Variants in AP3B1 observed in about 807,000 individuals in gnomAD.
AP3B1 encodes the protein adaptor related protein complex 3 subunit beta 1.
AP3B1 carries 61 observed loss-of-function variants against 132.5 expected under a neutral mutation model. That is an observed-to-expected ratio of 0.46 (90% CI 0.37 to 0.57). The LOEUF (loss-of-function observed/expected upper bound fraction) is 0.57, where lower values mean the gene tolerates loss of function less well. Ranked by LOEUF, AP3B1 falls within the 20% of genes least tolerant of loss-of-function variation. The probability of loss-of-function intolerance (pLI) is 0.00; values close to 1 mark genes in which losing one functional copy is unlikely to be tolerated. For synonymous variants in AP3B1, 388 were observed against 438.3 expected (o/e 0.89, Z 1.43); for missense variants, 1,120 against 1,289.4 (o/e 0.87, Z 2.01).
At chr5:78,027,994 C>T (rs1285196720) in intron 24 of AP3B1, among the ~76,000 whole-genome samples, 3 of 151,852 alleles carry the variant, frequency 2.0e-5, no homozygotes, top group African/African-American at 7.3e-5. Flanking sequence ...GGCCTGGTGG[C>T]GCGTGCCTGT....
At chr5:78,070,659 C>T (rs1025075610) in intron 22 of AP3B1, among the ~76,000 whole-genome samples, 9 of 151,092 alleles carry the variant, frequency 6.0e-5, no homozygotes, top group Non-Finnish European at 1.2e-4. Flanking sequence ...GCAATCTATC[C>T]ATTTGACAAA....
intron 8 of AP3B1, among the ~76,000 whole-genome samples, chr5:78,180,770 A>T (rs1243078406): frequency 6.6e-6 from 1 of 152,074 alleles, no homozygotes; most frequent in Admixed American, 6.5e-5. Flanking sequence ...TATGCAGATT[A>T]GAAAGATCTG....
In AP3B1 at chr5:78,039,330, T is replaced by C. The variant is rs886998693; in HGVS notation, c.2578-56A>G. ...GAGTTAGTGAATATAATTATTCTTT[T>C]AGAAAATATGCAAACATTTATGACA... On this transcript the variant is annotated intron_variant, in intron 22 of 26. Transcript: ENST00000255194. 5 of 1,362,974 alleles carry C rather than the reference T, an allele frequency of 3.7e-6. No homozygotes were observed. The Admixed American group carries it at 8.4e-5, about 23-fold the overall frequency. 84.4% of individuals were successfully genotyped at this position (1,362,974 alleles called of 1,614,324 possible).
intron 14 of AP3B1, among the ~76,000 whole-genome samples, chr5:78,142,164 T>C (rs973597001): frequency 2.0e-5 from 3 of 152,228 alleles, no homozygotes; most frequent in Admixed American, 6.5e-5. Context: ...CACTATATTT[T>C]TAAATAAACT....
chr5:78,235,549 G>C (rs561111655), intron 3 of AP3B1, among the ~76,000 whole-genome samples: 1 of 152,288 alleles, frequency 6.6e-6, no homozygotes, highest in South Asian at 2.1e-4. Flanking sequence ...AATCAATATT[G>C]ACCACAAGAG....
intron 11 of AP3B1, among the ~76,000 whole-genome samples, chr5:78,170,091 C>T (rs878878614): frequency 6.6e-6 from 1 of 152,142 alleles, no homozygotes; most frequent in African/African-American, 2.4e-5. Context: ...TGAACTCATC[C>T]TTTCTAATGG....
intron 1 of AP3B1, among the ~76,000 whole-genome samples, chr5:78,272,798 T>A (rs1041061792): frequency 9.9e-5 from 15 of 152,132 alleles, no homozygotes; most frequent in Admixed American, 1.3e-4. Flanking sequence ...ACAGGGAGGA[T>A]AAGCAGGTCA....
At chr5:78,049,325 A>ACT (rs1748480302) in intron 22 of AP3B1, among the ~76,000 whole-genome samples, 1 of 152,234 alleles carries the variant, frequency 6.6e-6, no homozygotes, top group Admixed American at 6.5e-5. Flanking sequence ...CGTTATTTCA[A>ACT]ACACAAAGTA....
intron 22 of AP3B1, among the ~76,000 whole-genome samples, chr5:78,069,402 G>T (rs936369019): frequency 2.0e-5 from 3 of 152,142 alleles, no homozygotes; most frequent in African/African-American, 7.2e-5. Context: ...CTTTAGCAAA[G>T]TCTCAGTATA....
At chr5:78,226,857 T>C (rs1197444338) in intron 5 of AP3B1, among the ~76,000 whole-genome samples, 1 of 152,106 alleles carries the variant, frequency 6.6e-6, no homozygotes. Context: ...CACACAGATA[T>C]GGTATAGCAC....
intron 20 of AP3B1, among the ~76,000 whole-genome samples, chr5:78,109,968 A>C (rs867768793): frequency 3.8e-4 from 57 of 150,564 alleles, no homozygotes; most frequent in East Asian, 5.8e-4. Flanking sequence ...CTTCAGCAAA[A>C]CCCCCCCCTT....
chr5:78,155,433 T>C (rs187659565), intron 14 of AP3B1, among the ~76,000 whole-genome samples: 5 of 152,322 alleles, frequency 3.3e-5, no homozygotes, highest in Non-Finnish European at 5.9e-5. Context: ...GTTATGATGG[T>C]GCTTTTTTGT....
At chr5:78,033,639 C>A (rs1169680121) in intron 24 of AP3B1, among the ~76,000 whole-genome samples, 1 of 151,798 alleles carries the variant, frequency 6.6e-6, no homozygotes, top group Non-Finnish European at 1.5e-5. Context: ...GCCAATTGGG[C>A]CTTATATCAG....
intron 22 of AP3B1, among the ~76,000 whole-genome samples, chr5:78,047,405 G>A (rs1748386942): frequency 6.6e-6 from 1 of 152,190 alleles, no homozygotes; most frequent in African/African-American, 2.4e-5. Flanking sequence ...TAACTGGTGT[G>A]AGATGGTATC....
intron 6 of AP3B1, among the ~76,000 whole-genome samples, chr5:78,224,061 G>A (rs1012997176): frequency 2.6e-5 from 4 of 151,998 alleles, no homozygotes; most frequent in Non-Finnish European, 4.4e-5. Context: ...TAATAGAAAA[G>A]CACTAAGTAT....
At chr5:78,126,844 C>A (rs567017569) in intron 17 of AP3B1, among the ~76,000 whole-genome samples, 4 of 152,284 alleles carry the variant, frequency 2.6e-5, no homozygotes, top group African/African-American at 9.6e-5. Context: ...ATGGTTCTAT[C>A]ACTTACTTGC....
intron 13 of AP3B1, among the ~76,000 whole-genome samples, 185 bp downstream of exon 13, chr5:78,162,634 A>C (rs186145577): frequency 1.6e-4 from 24 of 152,310 alleles, no homozygotes; most frequent in Non-Finnish European, 2.6e-4. Context: ...TTTTACTAAA[A>C]AAAAAAGAAC....
downstream of AP3B1, chr5:78,000,630 C>T (rs1157322686): frequency 6.6e-6 from 1 of 152,032 alleles, no homozygotes; most frequent in Non-Finnish European, 1.5e-5. Flanking sequence ...ATTGTGATAT[C>T]AAAAATGAGG....
intron 22 of AP3B1, among the ~76,000 whole-genome samples, chr5:78,059,504 G>A (rs1748952716): frequency 6.6e-6 from 1 of 152,160 alleles, no homozygotes; most frequent in Non-Finnish European, 1.5e-5. Context: ...AGTATAGTTT[G>A]TATGCATGCA....
Sources: gnomAD v4.1 joint callset for allele counts (sites outside exome capture counted in the v4.1 genomes callset) on GRCh38, gnomAD v4.1.1 for gene constraint, MANE v1.5 for transcripts, NCBI Gene and HGNC (gene_info 2026-07-23, HGNC 2026-07-21) for gene names.